RPS6KC1: variants seen among roughly 807,000 people sequenced by gnomAD.
The protein encoded by RPS6KC1 is inactive ribosomal protein S6 kinase delta-1.
Under a neutral mutation model 103.8 loss-of-function variants are expected in RPS6KC1, and 54 were observed. The observed-to-expected ratio is 0.52, with a 90% confidence interval of 0.42 to 0.65. RPS6KC1 has a LOEUF of 0.65. RPS6KC1 is among the 30% of genes least tolerant of loss of function. The pLI is 0.00. For missense variants in RPS6KC1, 1,151 were observed against 1,253.8 expected (o/e 0.92, Z 1.24); for synonymous variants, 439 against 438.7 (o/e 1.00, Z -0.01).
At chr1:213,500,127 T>G in the RPS6KC1 span, among the ~76,000 whole-genome samples, 1 of 152,208 alleles carries the variant, frequency 6.6e-6, no homozygotes, top group Admixed American at 6.5e-5. Flanking sequence ...TGTTTGACTC[T>G]TGTAATAACT....
chr1:213,241,476 CAG>C lies in RPS6KC1; in HGVS notation c.2001_2002del (p.Val668AlafsTer6). On this transcript the variant is annotated frameshift_variant, in exon 11 of 15. Coordinates refer to ENST00000366960, the MANE Select transcript of RPS6KC1 (RefSeq NM_012424.6). LOFTEE classifies it high-confidence loss of function. ...ACCATTAGCAGGGGCTCAGATGACT[CAG>C]TGCCAGTTATTTCATTTAAAGATGC... 6.2e-7 allele frequency: 1 copy of C among 1,613,960 alleles called. No individual in the cohort carries two copies. The highest frequency in any genetic ancestry group is 8.5e-7 in the Non-Finnish European group (1 of 1,179,934).
At chr1:213,546,046 T>A in the RPS6KC1 span, among the ~76,000 whole-genome samples, 1 of 152,208 alleles carries the variant, frequency 6.6e-6, no homozygotes, top group Non-Finnish European at 1.5e-5. Context: ...AGAAGAGAGA[T>A]GCTGCCTCCC....
rs2092458981 is a variant in RPS6KC1 at position 213,185,013 on chromosome 1, T to C, written c.1044+8521T>C. ...GTCAGTAGGCCTATTAGATTTAGTG[T>C]GTAGTTTAACTCTGGTTTCTTTGTT... On this transcript the variant is annotated intron_variant, in intron 8 of 14. Coordinates refer to ENST00000366960, the MANE Select transcript of RPS6KC1 (RefSeq NM_012424.6). 2.6e-5 allele frequency among the ~76,000 whole-genome samples: 4 copies of C among 152,238 alleles called. No homozygotes were observed. In the South Asian group the frequency reaches 8.3e-4, roughly 32 times the overall value.
the RPS6KC1 span, among the ~76,000 whole-genome samples, chr1:213,418,757 G>A: frequency 1.1e-4 from 17 of 152,128 alleles, no homozygotes; most frequent in African/African-American, 1.7e-4. Flanking sequence ...CTGGCTGGCC[G>A]GGTCCTGTTC....
At chr1:213,433,343 G>A in the RPS6KC1 span, among the ~76,000 whole-genome samples, 1 of 152,166 alleles carries the variant, frequency 6.6e-6, no homozygotes, top group Non-Finnish European at 1.5e-5. Context: ...TCACATCAAA[G>A]TCAGTAACCT....
At chr1:213,059,786 C>T in intron 1 of RPS6KC1, among the ~76,000 whole-genome samples, 1 of 152,134 alleles carries the variant, frequency 6.6e-6, no homozygotes, top group East Asian at 1.9e-4. Context: ...AATTCTCTTG[C>T]CTCAGCCTCC....
At chr1:213,124,462 A>G (rs549167935) in intron 5 of RPS6KC1, among the ~76,000 whole-genome samples, 1 of 152,206 alleles carries the variant, frequency 6.6e-6, no homozygotes, top group African/African-American at 2.4e-5. Flanking sequence ...CTTTCTTGTT[A>G]ACTTTCTTTC....
chr1:213,777,303 C>T, the RPS6KC1 span, among the ~76,000 whole-genome samples: 2 of 152,088 alleles, frequency 1.3e-5, no homozygotes, highest in East Asian at 1.9e-4. Flanking sequence ...AAGTGAAAGA[C>T]GTGTGACTCT....
At chr1:213,588,594 C>T in the RPS6KC1 span, among the ~76,000 whole-genome samples, 5,321 of 152,118 alleles carry the variant, frequency 0.035, 289 homozygotes, top group East Asian at 0.27. Flanking sequence ...ACACCATGCC[C>T]GGCCTCTGTC....
At chr1:213,431,484 A>G in the RPS6KC1 span, among the ~76,000 whole-genome samples, 1 of 152,156 alleles carries the variant, frequency 6.6e-6, no homozygotes, top group Non-Finnish European at 1.5e-5. Flanking sequence ...CCCTAAAGCT[A>G]ACTAATATTC....
the RPS6KC1 span, among the ~76,000 whole-genome samples, chr1:213,413,890 G>T: frequency 6.6e-6 from 1 of 152,274 alleles, no homozygotes; most frequent in African/African-American, 2.4e-5. Context: ...GGATTTGCAG[G>T]ATCAGGGCAT....
the RPS6KC1 span, among the ~76,000 whole-genome samples, chr1:213,474,124 G>A: frequency 6.6e-6 from 1 of 152,196 alleles, no homozygotes; most frequent in African/African-American, 2.4e-5. Context: ...CTTCCCAGCA[G>A]TCTGTCCTTG....
intron 8 of RPS6KC1, among the ~76,000 whole-genome samples, chr1:213,219,639 G>T (rs1406863142): frequency 6.6e-6 from 1 of 152,150 alleles, no homozygotes; most frequent in Non-Finnish European, 1.5e-5. Flanking sequence ...ACTGGATTAA[G>T]AAAATGTGGC....
chr1:213,275,062 A>G (rs760429842), downstream of RPS6KC1, among the ~76,000 whole-genome samples: 3 of 152,158 alleles, frequency 2.0e-5, no homozygotes, highest in Admixed American at 2.0e-4. Context: ...AGAATCATAC[A>G]ATATTTGTTT....
the RPS6KC1 span, among the ~76,000 whole-genome samples, chr1:213,762,430 T>C: frequency 3.9e-5 from 6 of 152,150 alleles, no homozygotes; most frequent in African/African-American, 1.4e-4. Flanking sequence ...TAAATGTTGT[T>C]GAATGAATGA....
chr1:213,609,359 T>C, the RPS6KC1 span, among the ~76,000 whole-genome samples: 3 of 152,196 alleles, frequency 2.0e-5, no homozygotes, highest in Non-Finnish European at 4.4e-5. Context: ...CCACCTCCTT[T>C]CTCACTTCTG....
At chr1:213,082,712 GGAGA>G (rs972171716) in intron 3 of RPS6KC1, among the ~76,000 whole-genome samples, 3 of 152,094 alleles carry the variant, frequency 2.0e-5, no homozygotes, top group Non-Finnish European at 4.4e-5. Flanking sequence ...AAATGTGAAA[GGAGA>G]GAGAGAAACT....
the RPS6KC1 span, among the ~76,000 whole-genome samples, chr1:213,355,836 C>G: frequency 2.6e-5 from 4 of 152,154 alleles, no homozygotes; most frequent in Non-Finnish European, 5.9e-5. Context: ...AGAGCAGAGA[C>G]CCTGAGAGCC....
At chr1:213,328,231 T>G in the RPS6KC1 span, among the ~76,000 whole-genome samples, 6 of 152,014 alleles carry the variant, frequency 3.9e-5, no homozygotes, top group African/African-American at 1.4e-4. Context: ...AACCTAATGC[T>G]GCCTAAGGTC....
Sources: allele counts gnomAD v4.1 joint callset (sites outside exome capture counted in the v4.1 genomes callset), GRCh38; gene constraint gnomAD v4.1.1; transcripts MANE v1.5; gene names NCBI Gene and HGNC (gene_info 2026-07-23, HGNC 2026-07-21).